Variants in CDH9 observed in about 807,000 individuals in gnomAD.
The protein encoded by CDH9 is cadherin-9.
In CDH9, 28 loss-of-function variants were observed where a neutral mutation model predicts 70.9. That is an observed-to-expected ratio of 0.40 (90% CI 0.29 to 0.54). CDH9 has a LOEUF of 0.54. CDH9 is among the 20% of genes least tolerant of loss of function. The pLI is 0.59. For synonymous variants in CDH9, 409 were observed against 343.1 expected, an observed-to-expected ratio of 1.19 and a Z score of -2.12; for missense variants, 874 against 984.4, an observed-to-expected ratio of 0.89 and a Z score of 1.50.
In CDH9 at chr5:26,881,223, G is replaced by C; in HGVS notation, c.2283C>G (p.Asn761Lys). The C allele has an allele frequency of 6.2e-7, 1 of 1,612,694 alleles. No homozygotes were observed. Among genetic ancestry groups the C allele is most frequent in the Non-Finnish European group, 8.5e-7 (1 of 1,178,858 alleles). Residue 761 changes from asparagine (N) to lysine (K), a missense_variant, in exon 12 of 12, where the codon AAC (asparagine) becomes AAG (lysine). Coordinates refer to ENST00000231021, the MANE Select transcript of CDH9 (RefSeq NM_016279.4). ...AGTCACTGAGGTAATCATAATCTTGGTTACAATCAGCTGTGAGAGATTCCA... is the reference window on the plus strand; with the variant it reads ...AGTCACTGAGGTAATCATAATCTTGCTTACAATCAGCTGTGAGAGATTCCA... ...SSLESLTADC[N>K]QDYDYLSDWG...
At chr5:26,903,328 G>T in intron 6 of CDH9, 2 of 425,842 alleles carry the variant, frequency 4.7e-6, no homozygotes, top group South Asian at 4.3e-5. Context: ...TTTGAAAAGT[G>T]CATGAAATAA....
chr5:27,023,387 T>C (rs943436690), intron 1 of CDH9, among the ~76,000 whole-genome samples: 2 of 152,112 alleles, frequency 1.3e-5, no homozygotes, highest in Non-Finnish European at 2.9e-5. Flanking sequence ...AATTCAATGG[T>C]ACTCATTTTT....
At chr5:26,931,664 G>A (rs1176987200) in intron 2 of CDH9, among the ~76,000 whole-genome samples, 1 of 152,000 alleles carries the variant, frequency 6.6e-6, no homozygotes, top group East Asian at 1.9e-4. Context: ...AAAATGTCCA[G>A]AATAAAGTAA....
At chr5:26,990,847 A>G (rs1742568080) in intron 1 of CDH9, among the ~76,000 whole-genome samples, 1 of 152,274 alleles carries the variant, frequency 6.6e-6, no homozygotes, top group South Asian at 2.1e-4. Flanking sequence ...TGCCAGAGAA[A>G]TCAAAGGGTA....
Position 26,915,672 on chromosome 5 carries a change from T to C in CDH9, c.481A>G (p.Lys161Glu), listed in dbSNP as rs751835931. The C allele has an allele frequency of 1.9e-6, 3 of 1,608,284 alleles. No homozygotes were observed. ...DINDNEPKFTKDLYTASVPEM... is the reference protein window; with the variant it reads ...DINDNEPKFTEDLYTASVPEM... ...GGAACACTGGCAGTGTATAAGTCTT[T>C]TGTAAATTTTGGCTCATTGTCATTG... Residue 161 changes from lysine (K) to glutamate (E), a missense_variant, in exon 3 of 12, where the codon AAA (lysine) becomes GAA (glutamate). Lys to Glu is a moderately conservative substitution (Grantham distance 56, BLOSUM62 1). Transcript: ENST00000231021.
chr5:26,935,471 T>C (rs549853911), intron 2 of CDH9, among the ~76,000 whole-genome samples: 8 of 152,154 alleles, frequency 5.3e-5, no homozygotes, highest in Non-Finnish European at 1.2e-4. Flanking sequence ...ATAATATGAT[T>C]GTTCCTGTAC....
At chr5:26,972,722 C>A (rs1486928028) in intron 2 of CDH9, among the ~76,000 whole-genome samples, 2 of 152,168 alleles carry the variant, frequency 1.3e-5, no homozygotes, top group Non-Finnish European at 1.5e-5. Context: ...CAGGCTTTAA[C>A]AACATATGGT....
At chr5:26,987,940 A>T (rs1394835050) in intron 2 of CDH9, among the ~76,000 whole-genome samples, 166 bp downstream of exon 2, 2 of 152,102 alleles carry the variant, frequency 1.3e-5, no homozygotes, top group African/African-American at 4.8e-5. Flanking sequence ...TTAGAACCCA[A>T]ATATGGTTCC....
Position 27,007,976 on chromosome 5 carries a change from A to AG in CDH9, c.-49-19595dup, listed in dbSNP as rs1367214488. Among the ~76,000 whole-genome samples the AG allele has an allele frequency of 4.6e-5, 7 of 152,146 alleles. No individual in the cohort carries two copies. The East Asian group carries it at 1.3e-3, about 29-fold the overall frequency. Reference sequence around the variant, plus strand: ...GACTTAGAACAACTTTCAAAAAAAAAGACACTTACATTTGGATAACTGTGT... The same window carrying AG: ...GACTTAGAACAACTTTCAAAAAAAAAGGACACTTACATTTGGATAACTGTGT... On this transcript the variant is annotated intron_variant, in intron 1 of 11. Coordinates refer to ENST00000231021, the MANE Select transcript of CDH9 (RefSeq NM_016279.4).
At chr5:26,916,338 A>T (rs1053032571) in intron 2 of CDH9, among the ~76,000 whole-genome samples, 2 of 151,992 alleles carry the variant, frequency 1.3e-5, no homozygotes, top group Non-Finnish European at 2.9e-5. Context: ...TGAAGGTATT[A>T]TAATGACAAG....
At chr5:26,900,142 A>G (rs1300263483) in intron 7 of CDH9, among the ~76,000 whole-genome samples, 1 of 152,054 alleles carries the variant, frequency 6.6e-6, no homozygotes, top group Non-Finnish European at 1.5e-5. Flanking sequence ...TTAGCTCATT[A>G]AATAATTAGA....
chr5:26,940,886 C>T (rs978099983), intron 2 of CDH9, among the ~76,000 whole-genome samples: 1 of 152,134 alleles, frequency 6.6e-6, no homozygotes, highest in African/African-American at 2.4e-5. Context: ...AATTCAGAAA[C>T]ATTTGAGAGA....
intron 2 of CDH9, among the ~76,000 whole-genome samples, chr5:26,951,303 A>C (rs1741841581): frequency 6.6e-6 from 1 of 150,480 alleles, no homozygotes; most frequent in African/African-American, 2.4e-5. Context: ...AAAAAAAAAA[A>C]AAAAAAAAAA....
intron 11 of CDH9, among the ~76,000 whole-genome samples, chr5:26,882,415 A>G (rs546313574): frequency 6.6e-6 from 1 of 152,094 alleles, no homozygotes; most frequent in East Asian, 1.9e-4. Context: ...TTACATGTCT[A>G]TGTTACATAG....
At chr5:26,904,012 T>C (rs1023149445) in intron 5 of CDH9, among the ~76,000 whole-genome samples, 188 bp from the exon 6 acceptor site, 2 of 151,960 alleles carry the variant, frequency 1.3e-5, no homozygotes, top group Admixed American at 1.3e-4. Flanking sequence ...CACTCTCATT[T>C]AGTAAATGAG....
intron 2 of CDH9, among the ~76,000 whole-genome samples, chr5:26,938,021 A>T (rs1741590887): frequency 6.6e-6 from 1 of 152,116 alleles, no homozygotes; most frequent in African/African-American, 2.4e-5. Context: ...ATCATTTTTT[A>T]AAATGTACCA....
At chr5:26,987,872 T>C (rs551892039) in intron 2 of CDH9, among the ~76,000 whole-genome samples, 15 of 152,222 alleles carry the variant, frequency 9.9e-5, no homozygotes, top group Non-Finnish European at 1.8e-4. Flanking sequence ...TAATAATGAA[T>C]CACATCCATC....
intron 2 of CDH9, among the ~76,000 whole-genome samples, chr5:26,976,887 T>G (rs1396676987): frequency 6.6e-6 from 1 of 151,978 alleles, no homozygotes; most frequent in African/African-American, 2.4e-5. Flanking sequence ...CATAAAATAT[T>G]TTGTTATCTG....
At chr5:27,003,075 T>A (rs1742799567) in intron 1 of CDH9, among the ~76,000 whole-genome samples, 1 of 152,128 alleles carries the variant, frequency 6.6e-6, no homozygotes, top group Non-Finnish European at 1.5e-5. Context: ...CTTTTCGGAT[T>A]TTGAAATATT....
Sources: gnomAD v4.1 joint callset for allele counts (sites outside exome capture counted in the v4.1 genomes callset) on GRCh38, gnomAD v4.1.1 for gene constraint, MANE v1.5 for transcripts, NCBI Gene and HGNC (gene_info 2026-07-23, HGNC 2026-07-21) for gene names.